Variants in DNAH12 observed in about 807,000 individuals in gnomAD.
DNAH12 encodes the protein axonemal beta dynein heavy chain 12.
In DNAH12, 285 loss-of-function variants were observed where a neutral mutation model predicts 371.5. That is an observed-to-expected ratio of 0.77 (90% CI 0.70 to 0.85). DNAH12 has a LOEUF of 0.85. Among genes scored for constraint, DNAH12 ranks in the 40% least tolerant of loss-of-function variants. The probability of loss-of-function intolerance (pLI) is 0.00; values close to 1 mark genes in which losing one functional copy is unlikely to be tolerated. For synonymous variants in DNAH12, 1,200 were observed against 1,213.0 expected (o/e 0.99, Z 0.22); for missense variants, 3,611 against 3,689.4 (o/e 0.98, Z 0.55).
At chr3:57,416,799 G>A (rs1445958478) in intron 37 of DNAH12, among the ~76,000 whole-genome samples, 1 of 151,950 alleles carries the variant, frequency 6.6e-6, no homozygotes, top group East Asian at 1.9e-4. Context: ...ATTCAAGCAA[G>A]GTTTCCCATT....
intron 16 of DNAH12, among the ~76,000 whole-genome samples, 151 bp from the exon 17 acceptor site, chr3:57,469,130 A>T (rs2066290723): frequency 6.6e-6 from 1 of 152,194 alleles, no homozygotes; most frequent in African/African-American, 2.4e-5. Context: ...GGTAGAGCTG[A>T]TGGTAGAAAA....
chr3:57,385,943 T>C (rs2063491946), intron 47 of DNAH12, among the ~76,000 whole-genome samples: 1 of 152,168 alleles, frequency 6.6e-6, no homozygotes, highest in Admixed American at 6.5e-5. Flanking sequence ...GCAGTCACCA[T>C]GGAAGAAATG....
intron 60 of DNAH12, among the ~76,000 whole-genome samples, chr3:57,345,432 G>A (rs879946069): frequency 1.3e-4 from 20 of 152,278 alleles, no homozygotes; most frequent in Middle Eastern, 3.4e-3. Flanking sequence ...TGGGTCTTAT[G>A]TTATTCCAAG....
At chr3:57,301,257 C>A (rs1030651128) in intron 70 of DNAH12, among the ~76,000 whole-genome samples, 3 of 102,656 alleles carry the variant, frequency 2.9e-5, no homozygotes, top group African/African-American at 1.2e-4. Context: ...CAGAGCAAGA[C>A]CCTGTCTCAA....
At chr3:57,394,794 C>G (rs2063702250) in intron 43 of DNAH12, among the ~76,000 whole-genome samples, 1 of 152,120 alleles carries the variant, frequency 6.6e-6, no homozygotes, top group African/African-American at 2.4e-5. Context: ...TAATTTAAGA[C>G]CCCAAATTCA....
At chr3:57,306,510 C>T (rs967796372) in intron 69 of DNAH12, among the ~76,000 whole-genome samples, 8 of 152,126 alleles carry the variant, frequency 5.3e-5, no homozygotes, top group African/African-American at 1.9e-4. Flanking sequence ...CACCTCATTG[C>T]CGCCTTTTCC....
chr3:57,514,258 G>A (rs1311260319), intron 4 of DNAH12, among the ~76,000 whole-genome samples: 1 of 151,974 alleles, frequency 6.6e-6, no homozygotes, highest in African/African-American at 2.4e-5. Flanking sequence ...GCTGGACATG[G>A]TGGGGGGAAC....
chr3:57,532,583 CAT>C (rs1181083405), intron 2 of DNAH12, among the ~76,000 whole-genome samples: 1 of 152,214 alleles, frequency 6.6e-6, no homozygotes, highest in African/African-American at 2.4e-5. Context: ...CTTGCAGACT[CAT>C]AGAAGTATCA....
intron 14 of DNAH12, among the ~76,000 whole-genome samples, 165 bp downstream of exon 14, chr3:57,472,381 C>A (rs2066391690): frequency 6.6e-6 from 1 of 152,140 alleles, no homozygotes. Context: ...TTAAGCCTAA[C>A]AGCTTGTCTT....
At position 57,421,725 on chromosome 3, in the gene DNAH12, T is replaced by A; in HGVS notation, c.5374-19A>T. The A allele has an allele frequency of 2.6e-6, 4 of 1,551,146 alleles. No individual in the cohort carries two copies. Among genetic ancestry groups the A allele is most frequent in the South Asian group, 1.2e-5 (1 of 84,000 alleles). On this transcript the variant is annotated intron_variant, in intron 35 of 73. Transcript: ENST00000495027. ...AGCAAGCCTGTTGGTGGAGAAAAAA[T>A]TTAACTTATAGCAATTATTTTAAAA...
chr3:57,545,152 A>C (rs367982959), upstream of DNAH12, among the ~76,000 whole-genome samples: 253 of 144,462 alleles, frequency 1.8e-3, no homozygotes, highest in African/African-American at 6.4e-3. Context: ...ACTTGTATAA[A>C]TAATGTGACT....
chr3:57,362,361 T>C (rs946533016), intron 58 of DNAH12, among the ~76,000 whole-genome samples: 2 of 152,256 alleles, frequency 1.3e-5, no homozygotes, highest in Non-Finnish European at 2.9e-5. Context: ...GCGTGATTTA[T>C]AATCCTTTGG....
At chr3:57,456,744 T>C (rs2065912967) in intron 22 of DNAH12, among the ~76,000 whole-genome samples, 1 of 152,150 alleles carries the variant, frequency 6.6e-6, no homozygotes, top group South Asian at 2.1e-4. Context: ...TTTTAATATA[T>C]CTAAAATTGA....
At chr3:57,488,434 C>T (rs557151232) in intron 12 of DNAH12, among the ~76,000 whole-genome samples, 4 of 152,148 alleles carry the variant, frequency 2.6e-5, no homozygotes, top group East Asian at 1.9e-4. Flanking sequence ...CCTCGTGATT[C>T]GCCCTCCTCG....
At position 57,404,981 on chromosome 3, in the gene DNAH12, A is replaced by G; in HGVS notation, c.6743T>C (p.Leu2248Pro). 2.6e-6 allele frequency: 4 copies of G among 1,513,306 alleles called. No individual in the cohort carries two copies. Among genetic ancestry groups the G allele is most frequent in the Non-Finnish European group, 3.5e-6 (4 of 1,135,244 alleles). 93.7% of individuals were successfully genotyped at this position (1,513,306 alleles called of 1,614,324 possible). The change falls in exon 42 of 74, where the codon CTT becomes CCT. Residue 2248 changes from leucine to proline, a missense_variant. Transcript: ENST00000495027. ...YNQTHKTRMN[L>P]VIFRYVLEHL... ...CATATATAGGTACCTAAAAATGACA[A>G]GATTCATTCTTGTTTTGTGTGTTTG... is the stretch of plus-strand genomic sequence containing the variant.
In DNAH12 at chr3:57,501,356, GAA is replaced by G; in HGVS notation, c.1298_1299del (p.Phe433SerfsTer8). 3.1e-6 allele frequency: 5 copies of G among 1,596,758 alleles called. No individual in the cohort carries two copies. The highest frequency in any genetic ancestry group is 4.3e-6 in the Non-Finnish European group (5 of 1,175,260). ...DGTAVENIET[F>X]QTEDHTFDEY... is the part of the protein sequence containing the mutation. ...TCATCAAAAGTATGATCTTCTGTCT[GAA>G]AAGTCTCTATATTCTCAACTGCAGT... On this transcript the variant is annotated frameshift_variant, in exon 11 of 74. Coordinates refer to ENST00000495027, the MANE Select transcript of DNAH12 (RefSeq NM_001366028.2). LOFTEE classifies it high-confidence loss of function.
At position 57,408,301 on chromosome 3, in the gene DNAH12, C is replaced by G. The variant is rs782607534; in HGVS notation, c.6255G>C (p.Gln2085His). Residue 2085 changes from glutamine (Q) to histidine (H), a missense_variant, in exon 40 of 74, where the codon CAG becomes CAC. Physicochemically the swap from Gln to His is conservative, Grantham distance 24. Coordinates refer to ENST00000495027, the MANE Select transcript of DNAH12 (RefSeq NM_001366028.2). The part of the protein sequence containing the change: ...FPPEYFVIGN[Q>H]IVNGTMEIYK... ...TGACCTCCATAGTCCCATTGACTAT[C>G]TGGTTCCCAATTACAAAGTACTCTG... 6.4e-7 allele frequency: 1 copy of G among 1,550,478 alleles called. No individual in the cohort carries two copies.
At position 57,338,462 on chromosome 3, in the gene DNAH12, G is replaced by A. The variant is rs1324574976; in HGVS notation, c.9675-3522C>T. On this transcript the variant is annotated intron_variant, in intron 60 of 73. Transcript: ENST00000495027. Reference sequence around the variant, plus strand: ...GCCCATCATCTGGGATGTGGGGAGCGCCTTTGCCCGGCCGCCCCGTCTGGG... The same window carrying A: ...GCCCATCATCTGGGATGTGGGGAGCACCTTTGCCCGGCCGCCCCGTCTGGG... 4.1e-5 allele frequency among the ~76,000 whole-genome samples: 6 copies of A among 145,792 alleles called. No individual in the cohort carries two copies. The East Asian group carries it at 6.4e-4, about 15-fold the overall frequency.
chr3:57,342,283 A>T (rs2062419559), intron 60 of DNAH12, among the ~76,000 whole-genome samples: 1 of 152,010 alleles, frequency 6.6e-6, no homozygotes, highest in Non-Finnish European at 1.5e-5. Context: ...TATCAAACTA[A>T]AAAAGCTTCT....
Sources: gnomAD v4.1 joint callset for allele counts (sites outside exome capture counted in the v4.1 genomes callset) on GRCh38, gnomAD v4.1.1 for gene constraint, MANE v1.5 for transcripts, NCBI Gene and HGNC (gene_info 2026-07-23, HGNC 2026-07-21) for gene names.